Variants in PTPRD observed in about 807,000 individuals in gnomAD.
PTPRD encodes protein tyrosine phosphatase receptor type D.
A neutral mutation model predicts 214.5 loss-of-function variants in PTPRD; 34 were observed. The ratio of observed to expected loss-of-function variants is 0.16; its 90% CI spans 0.12 to 0.21. The LOEUF (loss-of-function observed/expected upper bound fraction) is 0.21. Ranked by LOEUF, PTPRD falls within the 10% of genes least tolerant of loss-of-function variation. PTPRD has a pLI of 1.00. For synonymous variants in PTPRD, 1,128 were observed against 845.7 expected (o/e 1.33, Z -5.79); for missense variants, 2,545 against 2,398.7 (o/e 1.06, Z -1.27).
At chr9:8,690,020 A>T (rs891500335) in intron 12 of PTPRD, among the ~76,000 whole-genome samples, 1 of 151,696 alleles carries the variant, frequency 6.6e-6, no homozygotes, top group African/African-American at 2.4e-5. Context: ...AGGCAGGAGA[A>T]TTGCTTAAGC....
intron 35 of PTPRD, among the ~76,000 whole-genome samples, chr9:8,405,094 C>T (rs2092835051): frequency 6.6e-6 from 1 of 152,170 alleles, no homozygotes; most frequent in Admixed American, 6.5e-5. Flanking sequence ...CTTTCACTGG[C>T]TTCAATGGAC....
chr9:9,580,814 G>A (rs1006675512), intron 7 of PTPRD, among the ~76,000 whole-genome samples: 2 of 151,950 alleles, frequency 1.3e-5, no homozygotes, highest in African/African-American at 4.8e-5. Context: ...CTCCCAAAGT[G>A]CTGGGATTAC....
chr9:8,478,461 G>A (rs533960902), intron 30 of PTPRD, among the ~76,000 whole-genome samples: 61 of 152,060 alleles, frequency 4.0e-4, no homozygotes, highest in African/African-American at 1.0e-3. Context: ...AACATAAAAC[G>A]GTTGTTATAA....
intron 10 of PTPRD, among the ~76,000 whole-genome samples, chr9:9,091,835 A>G (rs1467752141): frequency 1.3e-5 from 2 of 152,218 alleles, no homozygotes; most frequent in East Asian, 1.9e-4. Context: ...TCATCTAGGT[A>G]CTATTACCAT....
chr9:9,037,380 T>A (rs1301885230), intron 10 of PTPRD, among the ~76,000 whole-genome samples: 3 of 152,068 alleles, frequency 2.0e-5, no homozygotes, highest in Non-Finnish European at 4.4e-5. Context: ...ATAGAGACAA[T>A]AGTTTGTGTT....
chr9:9,288,616 A>G (rs1392918741), intron 9 of PTPRD, among the ~76,000 whole-genome samples: 2 of 151,958 alleles, frequency 1.3e-5, no homozygotes, highest in Non-Finnish European at 2.9e-5. Context: ...CTGTATTACA[A>G]AAAGCTATTG....
rs371339391 is a variant in PTPRD at position 10,146,380 on chromosome 9, TA to T, written c.-544-112591del. On this transcript the variant is annotated intron_variant, in intron 3 of 45. Transcript: ENST00000381196. ...AGACCAATAAAACCCCTGTCCTATA[TA>T]AATTACAGTTTTTCAGGGAGAGAGA... Among the ~76,000 whole-genome samples, 126 of 152,114 alleles carry T rather than the reference TA, an allele frequency of 8.3e-4. 3 individuals carry two copies. The South Asian group carries it at 0.024, about 29-fold the overall frequency.
At chr9:9,947,479 A>AT (rs1179815850) in intron 4 of PTPRD, among the ~76,000 whole-genome samples, 1 of 26,324 alleles carries the variant, frequency 3.8e-5, no homozygotes, top group African/African-American at 1.6e-4. Flanking sequence ...TATTATATAT[A>AT]TTTTATATAT....
At chr9:10,118,223 T>C (rs1275788155) in intron 3 of PTPRD, among the ~76,000 whole-genome samples, 1 of 151,098 alleles carries the variant, frequency 6.6e-6, no homozygotes. Flanking sequence ...TATCTATCTA[T>C]CTATCTATCT....
At chr9:10,131,424 C>G (rs566140186) in intron 3 of PTPRD, among the ~76,000 whole-genome samples, 1 of 152,106 alleles carries the variant, frequency 6.6e-6, no homozygotes, top group Non-Finnish European at 1.5e-5. Flanking sequence ...TTGTCAAGTG[C>G]TTAACAAATA....
intron 7 of PTPRD, among the ~76,000 whole-genome samples, chr9:9,589,248 C>T (rs557809179): frequency 5.3e-5 from 8 of 151,694 alleles, no homozygotes; most frequent in Non-Finnish European, 1.0e-4. Flanking sequence ...ATACAGCAGA[C>T]AAAATCAGTA....
chr9:10,208,748 A>G (rs1200024435), intron 3 of PTPRD, among the ~76,000 whole-genome samples: 1 of 152,228 alleles, frequency 6.6e-6, no homozygotes, highest in Admixed American at 6.5e-5. Context: ...ATTGCTAGAA[A>G]TAAGTAGAAA....
At position 9,002,225 on chromosome 9, in the gene PTPRD, A is replaced by C. The variant is rs79267962; in HGVS notation, c.-104+16472T>G. Reference sequence around the variant, plus strand: ...TAAAGAGAGAAACAAAATATTCAATATAAAAAACTATTTACCCAAGATTTT... The same window carrying C: ...TAAAGAGAGAAACAAAATATTCAATCTAAAAAACTATTTACCCAAGATTTT... On this transcript the variant is annotated intron_variant, in intron 11 of 45. Coordinates refer to ENST00000381196, the MANE Select transcript of PTPRD (RefSeq NM_002839.4). Among the ~76,000 whole-genome samples, 1,327 of 152,150 alleles carry C rather than the reference A, an allele frequency of 8.7e-3. 34 individuals are homozygous for C. The highest frequency in any genetic ancestry group is 0.073 in the East Asian group (378 of 5,172).
chr9:10,453,838 A>G (rs1307326175), intron 2 of PTPRD, among the ~76,000 whole-genome samples: 3 of 151,568 alleles, frequency 2.0e-5, no homozygotes, highest in Admixed American at 6.6e-5. Context: ...ACTATGTTCA[A>G]TGAAACTGGT....
At chr9:9,655,305 C>G (rs2096481565) in intron 7 of PTPRD, among the ~76,000 whole-genome samples, 1 of 152,162 alleles carries the variant, frequency 6.6e-6, no homozygotes, top group Admixed American at 6.5e-5. Context: ...TGCCATGGCT[C>G]ATGCCTGTAA....
At chr9:8,394,249 T>C (rs1211444107) in intron 36 of PTPRD, among the ~76,000 whole-genome samples, 2 of 152,000 alleles carry the variant, frequency 1.3e-5, no homozygotes, top group Non-Finnish European at 2.9e-5. Flanking sequence ...ATAATTCGAT[T>C]TGAAAAGATG....
intron 11 of PTPRD, among the ~76,000 whole-genome samples, chr9:8,926,453 T>C (rs2098894110): frequency 6.6e-6 from 1 of 152,180 alleles, no homozygotes; most frequent in Non-Finnish European, 1.5e-5. Context: ...TCTAATACTT[T>C]ATGGTAAGCG....
intron 32 of PTPRD, among the ~76,000 whole-genome samples, chr9:8,462,792 G>A (rs1172899098): frequency 2.0e-5 from 3 of 151,810 alleles, no homozygotes; most frequent in Admixed American, 2.0e-4. Flanking sequence ...TTTTTATTTA[G>A]TCCTTGTTTT....
intron 43 of PTPRD, among the ~76,000 whole-genome samples, chr9:8,338,325 A>G (rs1354243637): frequency 2.6e-5 from 4 of 152,124 alleles, no homozygotes; most frequent in African/African-American, 9.7e-5. Context: ...TCAACAATCC[A>G]GATAAGAAAT....
Sources: allele counts gnomAD v4.1 joint callset (sites outside exome capture counted in the v4.1 genomes callset), GRCh38; gene constraint gnomAD v4.1.1; transcripts MANE v1.5; gene names NCBI Gene and HGNC (gene_info 2026-07-23, HGNC 2026-07-21).